DEAF1: variants seen among roughly 807,000 people sequenced by gnomAD.
DEAF1 encodes the protein deformed epidermal autoregulatory factor 1 homolog.
Under a neutral mutation model 58.9 loss-of-function variants are expected in DEAF1, and 53 were observed. The ratio of observed to expected loss-of-function variants is 0.90; its 90% CI spans 0.72 to 1.13. DEAF1 has a LOEUF of 1.13. Among genes scored for constraint, DEAF1 ranks in the 50% most tolerant of loss-of-function variants. DEAF1 has a pLI of 0.00. For missense variants in DEAF1, 685 were observed against 791.4 expected, an observed-to-expected ratio of 0.87 and a Z score of 1.61; for synonymous variants, 385 against 340.4, an observed-to-expected ratio of 1.13 and a Z score of -1.44.
intron 11 of DEAF1, among the ~76,000 whole-genome samples, chr11:649,843 C>T (rs377214126): frequency 2.7e-5 from 4 of 149,376 alleles, no homozygotes; most frequent in Non-Finnish European, 6.0e-5. Flanking sequence ...CTTGCCAACA[C>T]GGAGAAACCC....
chr11:694,994 C>A lies in DEAF1; in HGVS notation c.54G>T (p.Ala18=), dbSNP rs1347006456. The change falls in exon 1 of 12, where the codon GCG becomes GCT. Residue 18 remains alanine (A), a synonymous_variant. Transcript: ENST00000382409. ...CCGCCACAGCGGCCGCGGCCGCCAC[C>A]GCCGCCGCCTCAGCCAGGCCCAGCT... The part of the protein sequence containing the change: ...AKQLGLAEAA[A]VAAAAAVAAA... 8.3e-7 allele frequency: 1 copy of A among 1,200,396 alleles called. No individual in the cohort carries two copies. The highest frequency in any genetic ancestry group is 1.0e-6 in the Non-Finnish European group (1 of 967,444). 74.4% of individuals were successfully genotyped at this position (1,200,396 alleles called of 1,614,324 possible). A position where few individuals can be genotyped will look rare whatever the true frequency, so the allele number is the denominator to read the frequency against.
chr11:700,256 G>A (rs765532628), intron 1 of DEAF1: 1 of 1,602,052 alleles, frequency 6.2e-7, no homozygotes, highest in Admixed American at 1.7e-5. Context: ...GACGGGCACA[G>A]TGGCTCACGC....
rs145425665 is a variant in DEAF1, at chr11:663,591, C to T, written c.1504-9540G>A. 1.1e-4 allele frequency among the ~76,000 whole-genome samples: 16 copies of T among 151,560 alleles called. No individual in the cohort carries two copies. In the South Asian group the frequency reaches 2.1e-3, roughly 20 times the overall value. ...TCAGCAACTGCCTGTGGAATGAATA[C>T]GAAGCTTTTGGCCTTTCCTCCTCCA... On this transcript the variant is annotated intron_variant, in intron 10 of 11. Coordinates refer to ENST00000382409, the MANE Select transcript of DEAF1 (RefSeq NM_021008.4).
At chr11:668,196 A>G (rs1170840955) in intron 10 of DEAF1, among the ~76,000 whole-genome samples, 2 of 152,214 alleles carry the variant, frequency 1.3e-5, no homozygotes, top group Non-Finnish European at 2.9e-5. Context: ...AAAGAGGGAC[A>G]TTACAGACAA....
rs756745872 is a variant in DEAF1 at position 688,747 on chromosome 11, CT to C, written c.388-288del. Among the ~76,000 whole-genome samples the C allele has an allele frequency of 3.9e-4, 60 of 152,304 alleles. No individual in the cohort carries two copies. The highest frequency in any genetic ancestry group is 5.7e-4 in the Non-Finnish European group (39 of 68,032). On this transcript the variant is annotated intron_variant, in intron 2 of 11. Transcript: ENST00000382409. This position sits in a 1 kb window ranked among gnomAD's most constrained non-coding sequence, Gnocchi z 4.3. The stretch of plus-strand genomic sequence containing the variant: ...GCTCCACAAACAAGAAACACCCTCC[CT>C]TCCACCTGAGCCGCTCCCACAAGGT...
intron 10 of DEAF1, among the ~76,000 whole-genome samples, chr11:658,745 G>A (rs1179763337): frequency 2.0e-5 from 3 of 152,370 alleles, no homozygotes; most frequent in Admixed American, 1.3e-4. Flanking sequence ...CCAAGCAGCG[G>A]GTCCAGCCCC....
At chr11:685,114 T>G (rs944972386) in intron 5 of DEAF1, 151 bp from the exon 6 acceptor site, 2 of 649,074 alleles carry the variant, frequency 3.1e-6, no homozygotes, top group Non-Finnish European at 5.1e-6. Flanking sequence ...AGACAGAGTC[T>G]TGTTGGGTTG....
chr11:679,549 G>A, intron 8 of DEAF1, 139 bp downstream of exon 8: 1 of 1,353,676 alleles, frequency 7.4e-7, no homozygotes, highest in Non-Finnish European at 1.0e-6. Context: ...CTCACACGCT[G>A]TCCCCACCAA....
At chr11:683,503 C>G (rs1466270116) in intron 6 of DEAF1, among the ~76,000 whole-genome samples, 1 of 152,160 alleles carries the variant, frequency 6.6e-6, no homozygotes, top group East Asian at 1.9e-4. Flanking sequence ...ATTACTGTCA[C>G]GAGCCCGTAA....
At chr11:687,088 C>A (rs1165891786) in intron 4 of DEAF1, 91 bp from the exon 5 acceptor site, 1 of 1,579,178 alleles carries the variant, frequency 6.3e-7, no homozygotes, top group Non-Finnish European at 8.6e-7. Flanking sequence ...ACCCCTCCAC[C>A]AGCACCAGCG....
upstream of DEAF1, among the ~76,000 whole-genome samples, chr11:698,461 C>A (rs1410576215): frequency 1.3e-5 from 2 of 152,204 alleles, no homozygotes; most frequent in African/African-American, 4.8e-5. Flanking sequence ...TTGTTACAAC[C>A]TAAGTCAGAA....
chr11:660,780 A>C (rs989850428), intron 10 of DEAF1, among the ~76,000 whole-genome samples: 2 of 152,212 alleles, frequency 1.3e-5, no homozygotes, highest in Non-Finnish European at 1.5e-5. Flanking sequence ...GACACTGGAG[A>C]ACAAGGCAGG....
upstream of DEAF1, chr11:695,634 C>T (rs1033193384): frequency 8.0e-7 from 1 of 1,245,056 alleles, no homozygotes. Flanking sequence ...GGTTCTCCAC[C>T]TCTTCCCTTC....
At chr11:700,310 T>G in intron 1 of DEAF1, 1 of 1,356,982 alleles carries the variant, frequency 7.4e-7, no homozygotes, top group Non-Finnish European at 1.0e-6. Flanking sequence ...GCGGATCACT[T>G]GAGGTCAGGA....
rs960395010 is a variant in DEAF1 at position 704,236 on chromosome 11, G to A, written c.-438+2336C>T. 37 of 854,616 alleles carry A rather than the reference G, an allele frequency of 4.3e-5. 1 individual carries two copies. Among genetic ancestry groups the A allele is most frequent in the African/African-American group, 1.3e-4 (7 of 55,858 alleles). The allele number at this position is 854,616 out of a possible 1,614,324, so 52.9% of individuals were successfully genotyped here. ...TCAGTTCCTGGCTGGCCTCGCCCTC[G>A]GGCCCTGGCTGCCGGGCGCCTTCCG... On this transcript the variant is annotated intron_variant, in intron 1 of 11. Coordinates refer to the DEAF1 transcript ENST00000683307.
At chr11:659,436 C>A (rs1182575226) in intron 10 of DEAF1, among the ~76,000 whole-genome samples, 1 of 152,010 alleles carries the variant, frequency 6.6e-6, no homozygotes, top group African/African-American at 2.4e-5. Context: ...TAGACACACC[C>A]CGGATGGAGA....
chr11:694,652 G>T, intron 1 of DEAF1, 107 bp downstream of exon 1: 1 of 1,084,762 alleles, frequency 9.2e-7, no homozygotes, highest in Non-Finnish European at 1.2e-6. Context: ...GAGCAGGTGT[G>T]AGGGACAGGT....
At chr11:645,806 G>A (rs895643970) in intron 11 of DEAF1, among the ~76,000 whole-genome samples, 14 of 152,242 alleles carry the variant, frequency 9.2e-5, no homozygotes, top group Non-Finnish European at 2.9e-5. Flanking sequence ...GGAAGCGCCA[G>A]GTGCTGAAGC....
At chr11:680,723 C>T (rs1860321051) in intron 7 of DEAF1, among the ~76,000 whole-genome samples, 1 of 151,876 alleles carries the variant, frequency 6.6e-6, no homozygotes, top group African/African-American at 2.4e-5. Flanking sequence ...TACTAGGAAA[C>T]AGCCCAGGAC....
Sources: gnomAD v4.1 joint callset for allele counts (sites outside exome capture counted in the v4.1 genomes callset) on GRCh38, gnomAD v4.1.1 for gene constraint, Gnocchi (gnomAD v3.1) non-coding constraint, MANE v1.5 for transcripts, NCBI Gene and HGNC (gene_info 2026-07-23, HGNC 2026-07-21) for gene names.